Variants in RPS6KA5 observed in about 807,000 individuals in gnomAD.
RPS6KA5 encodes ribosomal protein S6 kinase alpha-5.
In RPS6KA5, 27 loss-of-function variants were observed where a neutral mutation model predicts 85.5. The ratio of observed to expected loss-of-function variants is 0.32; its 90% confidence interval spans 0.23 to 0.44. The LOEUF (loss-of-function observed/expected upper bound fraction) is 0.44. RPS6KA5 is among the 20% of genes least tolerant of loss of function. RPS6KA5 has a pLI of 1.00. For synonymous variants in RPS6KA5, 334 were observed against 348.2 expected (o/e 0.96, Z 0.46); for missense variants, 811 against 980.9 (o/e 0.83, Z 2.31).
At chr14:90,931,270 G>C (rs1335994812) in intron 5 of RPS6KA5, among the ~76,000 whole-genome samples, 1 of 152,070 alleles carries the variant, frequency 6.6e-6, no homozygotes, top group Non-Finnish European at 1.5e-5. Context: ...TATGCTAAGT[G>C]AAATAGTCAC....
At chr14:91,049,270 A>T (rs977056977) in intron 1 of RPS6KA5, among the ~76,000 whole-genome samples, 13 of 152,218 alleles carry the variant, frequency 8.5e-5, no homozygotes, top group African/African-American at 3.1e-4. Context: ...TAAACAAAAG[A>T]TAGAGCACAA....
intron 13 of RPS6KA5, among the ~76,000 whole-genome samples, chr14:90,893,656 T>C (rs889116024): frequency 6.6e-6 from 1 of 152,122 alleles, no homozygotes; most frequent in Non-Finnish European, 1.5e-5. Flanking sequence ...CAAAGTTCTA[T>C]TTTGGAGAGA....
chr14:90,974,777 GGTGA>G (rs1297060120), intron 3 of RPS6KA5, among the ~76,000 whole-genome samples: 1 of 152,162 alleles, frequency 6.6e-6, no homozygotes, highest in African/African-American at 2.4e-5. Context: ...CTGAACACCA[GGTGA>G]GTGAGCCCAG....
chr14:90,998,592 A>G (rs1398184121), intron 2 of RPS6KA5, among the ~76,000 whole-genome samples: 1 of 152,222 alleles, frequency 6.6e-6, no homozygotes, highest in Non-Finnish European at 1.5e-5. Flanking sequence ...CAGGAAACAA[A>G]GGTAGGAATA....
At position 90,968,737 on chromosome 14, in the gene RPS6KA5, C is replaced by T. The variant is rs569689624; in HGVS notation, c.394+9569G>A. ...CCTCTATGGATCAGCCCAAATTGAG[C>T]CCCTCAAAAATGGTTATGTTAACCC... is the stretch of plus-strand genomic sequence containing the variant. On this transcript the variant is annotated intron_variant, in intron 3 of 16. Transcript: ENST00000614987. 5.1e-4 allele frequency among the ~76,000 whole-genome samples: 78 copies of T among 152,200 alleles called. 2 individuals are homozygous for T. The highest frequency in any genetic ancestry group is 3.9e-3 in the Admixed American group (60 of 15,286).
At chr14:90,891,773 C>G (rs1208430182) in intron 13 of RPS6KA5, among the ~76,000 whole-genome samples, 1 of 152,100 alleles carries the variant, frequency 6.6e-6, no homozygotes, top group Non-Finnish European at 1.5e-5. Flanking sequence ...ATTGTTTAAT[C>G]TTGAATTTGT....
chr14:90,897,629 T>G (rs1042356450), intron 12 of RPS6KA5, among the ~76,000 whole-genome samples: 2 of 152,234 alleles, frequency 1.3e-5, no homozygotes, highest in African/African-American at 4.8e-5. Flanking sequence ...TATAGGATTA[T>G]ATCATGTGAC....
rs2035255772 is a variant in RPS6KA5 at position 90,902,903 on chromosome 14, C to T, written c.1024G>A (p.Glu342Lys). 1.2e-6 allele frequency: 2 copies of T among 1,614,046 alleles called. No homozygotes were observed. The highest frequency in any genetic ancestry group is 1.7e-6 in the Non-Finnish European group (2 of 1,179,976). ...TCTGCAAAGTTACTCACATCTAATT[C>T]ATCTCGAATGACTGGCTTAAATGGT... ...PAPFKPVIRD[E>K]LDVSNFAEEF... is the part of the protein sequence containing the mutation. The change falls in exon 9 of 17, where the codon GAA becomes AAA. Residue 342 changes from glutamate (E) to lysine (K), a missense_variant. Physicochemically the swap from Glu to Lys is moderately conservative, Grantham distance 56. This residue lies in a region of RPS6KA5 where 650 missense variants were observed against 793.4 expected (regional missense o/e 0.82). Transcript: ENST00000614987.
chr14:90,906,097 A>G (rs2035485368), intron 8 of RPS6KA5, 52 bp downstream of exon 8: 1 of 1,496,560 alleles, frequency 6.7e-7, no homozygotes, highest in Admixed American at 1.9e-5. Context: ...AACGCCAAGG[A>G]CCCTGAAAAC....
chr14:91,049,233 G>A (rs1285995), intron 1 of RPS6KA5, among the ~76,000 whole-genome samples: 82,092 of 152,026 alleles, frequency 0.54, 22,287 homozygotes, highest in Non-Finnish European at 0.56. Context: ...TAATCTATTC[G>A]TATTTTAACC....
chr14:90,856,992 A>C lies in RPS6KA5; in HGVS notation c.*15082T>G, dbSNP rs1294937288. 6.6e-6 allele frequency: 1 copy of C among 152,588 alleles called. No individual in the cohort carries two copies. Among genetic ancestry groups the C allele is most frequent in the Non-Finnish European group, 1.5e-5 (1 of 68,306 alleles). 9.5% of individuals were successfully genotyped at this position (152,588 alleles called of 1,614,324 possible). A position where few individuals can be genotyped will look rare whatever the true frequency, so the allele number is the denominator to read the frequency against. Reference sequence around the variant, plus strand: ...CCATTCCAAAGGGGCTACAATTTCGAGAATACCAAGCCACAGGTGCTCAAG... The same window carrying C: ...CCATTCCAAAGGGGCTACAATTTCGCGAATACCAAGCCACAGGTGCTCAAG... On this transcript the variant is annotated 3_prime_UTR_variant, in exon 17 of 17. Transcript: ENST00000614987.
intron 1 of RPS6KA5, among the ~76,000 whole-genome samples, chr14:91,049,628 A>T: frequency 6.6e-6 from 1 of 152,132 alleles, no homozygotes. Context: ...AAAAAAGAAA[A>T]AAGAAAAAAG....
intron 3 of RPS6KA5, among the ~76,000 whole-genome samples, chr14:90,964,249 G>T (rs1595353789): frequency 6.6e-6 from 1 of 152,040 alleles, no homozygotes; most frequent in Non-Finnish European, 1.5e-5. Context: ...TGCACATACC[G>T]GCTATGTAGC....
intron 8 of RPS6KA5, among the ~76,000 whole-genome samples, chr14:90,903,912 G>T (rs2035333805): frequency 6.6e-6 from 1 of 151,952 alleles, no homozygotes; most frequent in Non-Finnish European, 1.5e-5. Context: ...GCACTTCTTG[G>T]TTGATAAAAT....
At chr14:90,934,310 T>C (rs1401568909) in intron 5 of RPS6KA5, among the ~76,000 whole-genome samples, 1 of 152,200 alleles carries the variant, frequency 6.6e-6, no homozygotes, top group South Asian at 2.1e-4. Flanking sequence ...AGTTATATTA[T>C]TTTCTATTTT....
At chr14:91,052,469 A>AC (rs2043128793) in intron 1 of RPS6KA5, 1 of 220,164 alleles carries the variant, frequency 4.5e-6, no homozygotes, top group Admixed American at 5.5e-5. Context: ...GTCTCTTAAA[A>AC]AAAAAAAAAA....
intron 1 of RPS6KA5, among the ~76,000 whole-genome samples, chr14:91,024,225 CAATT>C (rs931814100): frequency 8.5e-5 from 13 of 152,106 alleles, no homozygotes; most frequent in African/African-American, 3.1e-4. Flanking sequence ...TTCCCAGAAT[CAATT>C]GTCATTGTCA....
intron 14 of RPS6KA5, among the ~76,000 whole-genome samples, chr14:90,881,940 C>T (rs560480504): frequency 6.6e-6 from 1 of 152,308 alleles, no homozygotes; most frequent in African/African-American, 2.4e-5. Flanking sequence ...TTATGCCAAT[C>T]TTTGACCTTT....
intron 3 of RPS6KA5, among the ~76,000 whole-genome samples, chr14:90,951,631 G>C (rs943225270): frequency 1.1e-4 from 17 of 152,110 alleles, no homozygotes; most frequent in Non-Finnish European, 2.4e-4. Flanking sequence ...GGGCACCAAA[G>C]GGCTATTCAA....
Sources: gnomAD v4.1 joint callset for allele counts (sites outside exome capture counted in the v4.1 genomes callset) on GRCh38, gnomAD v4.1.1 for gene constraint, gnomAD v4.1.1 regional missense constraint, MANE v1.5 for transcripts, NCBI Gene and HGNC (gene_info 2026-07-23, HGNC 2026-07-21) for gene names.